SYNDIG1: variants seen among roughly 807,000 people sequenced by gnomAD.
SYNDIG1 encodes synapse differentiation inducing 1, also known as synapse differentiation-inducing gene protein 1.
A neutral mutation model predicts 19.4 loss-of-function variants in SYNDIG1; 9 were observed. The observed-to-expected ratio is 0.46, with a 90% confidence interval of 0.28 to 0.81. SYNDIG1 has a LOEUF of 0.81. Ranked by LOEUF, SYNDIG1 falls within the 30% of genes least tolerant of loss-of-function variation. SYNDIG1 has a pLI of 0.12. For synonymous variants in SYNDIG1, 141 were observed against 145.9 expected, an observed-to-expected ratio of 0.97 and a Z score of 0.24; for missense variants, 311 against 343.3, an observed-to-expected ratio of 0.91 and a Z score of 0.74.
chr20:24,536,474 A>G (rs950285925), intron 1 of SYNDIG1, among the ~76,000 whole-genome samples: 1 of 152,150 alleles, frequency 6.6e-6, no homozygotes, highest in Non-Finnish European at 1.5e-5. Flanking sequence ...CAAGGCACTA[A>G]GAAGCGCTGT....
intron 3 of SYNDIG1, among the ~76,000 whole-genome samples, chr20:24,617,245 G>A (rs1043027946): frequency 2.6e-5 from 4 of 152,086 alleles, no homozygotes; most frequent in Non-Finnish European, 5.9e-5. Flanking sequence ...CGTCCCCACC[G>A]AACCTCCGTG....
chr20:24,495,014 C>G (rs1266451429), intron 1 of SYNDIG1, among the ~76,000 whole-genome samples: 1 of 152,202 alleles, frequency 6.6e-6, no homozygotes, highest in African/African-American at 2.4e-5. Flanking sequence ...AAAGGTAGAA[C>G]TCAGTTACAA....
intron 3 of SYNDIG1, among the ~76,000 whole-genome samples, chr20:24,628,371 C>A (rs2059190560): frequency 6.6e-6 from 1 of 152,190 alleles, no homozygotes; most frequent in Non-Finnish European, 1.5e-5. Context: ...CTGTGCTCCC[C>A]ATCCTGCCAG....
chr20:24,526,523 G>GT (rs2057126500), intron 1 of SYNDIG1, among the ~76,000 whole-genome samples: 1 of 151,974 alleles, frequency 6.6e-6, no homozygotes, highest in Non-Finnish European at 1.5e-5. Flanking sequence ...GTTTTCCTGT[G>GT]TTTAGAGTTT....
intron 2 of SYNDIG1, among the ~76,000 whole-genome samples, chr20:24,560,024 T>A (rs1221766446): frequency 1.7e-5 from 2 of 117,828 alleles, no homozygotes; most frequent in African/African-American, 6.6e-5. Flanking sequence ...CCATTATTTC[T>A]TTGACTTTTT....
chr20:24,542,900 T>C (rs1366892375), intron 1 of SYNDIG1, 120 bp from the exon 2 acceptor site: 1 of 759,022 alleles, frequency 1.3e-6, no homozygotes, highest in African/African-American at 1.8e-5. Context: ...TTTATCTAAC[T>C]CTCACAGTTA....
rs1344475166 is a variant in SYNDIG1 at position 24,658,627 on chromosome 20, G to A, written c.619-6719G>A. ...GTATGACCCCCCACCCCCACCCCCC[G>A]GCGATTCACTGAATGTGAAATAGAT... On this transcript the variant is annotated intron_variant, in intron 3 of 3. Transcript: ENST00000376862. The surrounding 1 kb of genome is among the most constrained non-coding windows in gnomAD (Gnocchi z 4.4). 7.7e-6 allele frequency among the ~76,000 whole-genome samples: 1 copy of A among 129,046 alleles called. No homozygotes were observed. Among genetic ancestry groups the A allele is most frequent in the African/African-American group, 2.9e-5 (1 of 34,854 alleles). 84.7% of individuals were successfully genotyped at this position (129,046 alleles called of 152,430 possible). A position where few individuals can be genotyped will look rare whatever the true frequency, so the allele number is the denominator to read the frequency against.
At chr20:24,591,329 G>A (rs1372018417) in intron 3 of SYNDIG1, among the ~76,000 whole-genome samples, 1 of 152,056 alleles carries the variant, frequency 6.6e-6, no homozygotes, top group Non-Finnish European at 1.5e-5. Flanking sequence ...AGGAGTTCAA[G>A]GCTGCTGTGA....
At chr20:24,581,633 G>A (rs2058324722) in intron 2 of SYNDIG1, among the ~76,000 whole-genome samples, 1 of 152,030 alleles carries the variant, frequency 6.6e-6, no homozygotes, top group Non-Finnish European at 1.5e-5. Context: ...GAGTCGACAG[G>A]GCCGTGTGTG....
intron 1 of SYNDIG1, among the ~76,000 whole-genome samples, chr20:24,497,440 A>T (rs1191094019): frequency 6.6e-6 from 1 of 152,160 alleles, no homozygotes; most frequent in East Asian, 1.9e-4. Context: ...GCCTCAAGAG[A>T]TCTGCCCACC....
chr20:24,656,420 G>C (rs2059526446), intron 3 of SYNDIG1, among the ~76,000 whole-genome samples: 1 of 152,138 alleles, frequency 6.6e-6, no homozygotes. Flanking sequence ...TTCCTAAACG[G>C]CCTGCATGCT....
chr20:24,567,096 C>T (rs879582535), intron 2 of SYNDIG1, among the ~76,000 whole-genome samples: 5 of 152,150 alleles, frequency 3.3e-5, no homozygotes, highest in Admixed American at 6.5e-5. Flanking sequence ...AGACAGGGTC[C>T]TTGTCTGTCT....
intron 3 of SYNDIG1, among the ~76,000 whole-genome samples, chr20:24,650,629 G>A (rs913558501): frequency 6.6e-6 from 1 of 152,176 alleles, no homozygotes; most frequent in Non-Finnish European, 1.5e-5. Context: ...AGAATTCAGA[G>A]CACCAGCCCA....
At chr20:24,566,810 G>A (rs1269146453) in intron 2 of SYNDIG1, among the ~76,000 whole-genome samples, 1 of 152,218 alleles carries the variant, frequency 6.6e-6, no homozygotes, top group African/African-American at 2.4e-5. Context: ...TGGTTAAAGT[G>A]CAGCTCCCAG....
At chr20:24,625,384 ATTTTTT>A (rs35759862) in intron 3 of SYNDIG1, among the ~76,000 whole-genome samples, 17 of 115,268 alleles carry the variant, frequency 1.5e-4, no homozygotes, top group Admixed American at 3.8e-4. Context: ...TGCCTGGGAC[ATTTTTT>A]TTTTTTTTTT....
chr20:24,526,095 C>G (rs1210634288), intron 1 of SYNDIG1, among the ~76,000 whole-genome samples: 2 of 152,030 alleles, frequency 1.3e-5, no homozygotes, highest in Non-Finnish European at 2.9e-5. Context: ...TTACTTTTAG[C>G]GATTCCATGT....
At chr20:24,631,486 C>T (rs1265912824) in intron 3 of SYNDIG1, among the ~76,000 whole-genome samples, 1 of 152,234 alleles carries the variant, frequency 6.6e-6, no homozygotes, top group African/African-American at 2.4e-5. Flanking sequence ...CTGTCAGCCT[C>T]AAATTCAACA....
At chr20:24,582,004 T>C (rs2058332617) in intron 2 of SYNDIG1, among the ~76,000 whole-genome samples, 1 of 122,208 alleles carries the variant, frequency 8.2e-6, no homozygotes, top group African/African-American at 3.2e-5. Flanking sequence ...CCATATTGCA[T>C]GTCCCACCCC....
chr20:24,561,374 C>T (rs570493191), intron 2 of SYNDIG1, among the ~76,000 whole-genome samples: 2 of 152,288 alleles, frequency 1.3e-5, no homozygotes, highest in Non-Finnish European at 2.9e-5. Context: ...TTGACCCAAC[C>T]AGAGTTATAG....
Sources: allele counts gnomAD v4.1 joint callset (sites outside exome capture counted in the v4.1 genomes callset), GRCh38; gene constraint gnomAD v4.1.1; non-coding constraint Gnocchi (gnomAD v3.1); transcripts MANE v1.5; gene names NCBI Gene and HGNC (gene_info 2026-07-23, HGNC 2026-07-21).